The following KIF15 variants were observed in gnomAD, a reference collection of about 807,000 sequenced individuals.
KIF15 encodes kinesin family member 15, also known as kinesin-like protein KIF15.
In KIF15, 140 loss-of-function variants were observed where a neutral mutation model predicts 190.6. The ratio of observed to expected loss-of-function variants is 0.73; its 90% confidence interval spans 0.64 to 0.84. The LOEUF (loss-of-function observed/expected upper bound fraction) is 0.84, where lower values mean the gene tolerates loss of function less well. Among genes scored for constraint, KIF15 ranks in the 40% least tolerant of loss-of-function variants. The pLI, the probability that KIF15 is intolerant of heterozygous loss-of-function variation, is 0.00. For missense variants in KIF15, 1,372 were observed against 1,584.4 expected, an observed-to-expected ratio of 0.87 and a Z score of 2.28; for synonymous variants, 528 against 551.3, an observed-to-expected ratio of 0.96 and a Z score of 0.59.
chr3:44,790,309 C>T (rs1285802524), intron 7 of KIF15, among the ~76,000 whole-genome samples: 1 of 152,062 alleles, frequency 6.6e-6, no homozygotes, highest in Non-Finnish European at 1.5e-5. Flanking sequence ...TCCTGAGCAG[C>T]TAGGACTACA....
At chr3:44,858,361 G>A (rs371946566) in intron 6 of KIF15, among the ~76,000 whole-genome samples, 11 of 152,344 alleles carry the variant, frequency 7.2e-5, no homozygotes, top group Admixed American at 3.3e-4. Flanking sequence ...AGAAGCCCAT[G>A]CTGTAGCAGG....
At chr3:44,828,389 C>A in intron 24 of KIF15, 89 bp downstream of exon 24, 2 of 829,016 alleles carry the variant, frequency 2.4e-6, no homozygotes, top group Admixed American at 2.0e-5. Context: ...CTTGCACCTC[C>A]AGGGTGACCA....
At position 44,805,103 on chromosome 3, in the gene KIF15, C is replaced by T; in HGVS notation, c.1764C>T (p.Leu588=). 6.2e-7 allele frequency: 1 copy of T among 1,613,808 alleles called. No homozygotes were observed. Among genetic ancestry groups the T allele is most frequent in the African/African-American group, 1.3e-5 (1 of 75,012 alleles). Residue 588 remains leucine, a synonymous_variant, in exon 15 of 35, where the codon CTC becomes CTT. Transcript: ENST00000326047. ...FANTEKLKAQ[L]LQIQTELNNS... ...ACACTGAGAAGTTAAAAGCACAACT[C>T]CTGCAAATTCAGACAGAGCTGAATA...
chr3:44,840,655 A>ATTTTTTTTTTTTT (rs60621752), intron 28 of KIF15, among the ~76,000 whole-genome samples, 199 bp downstream of exon 28: 1 of 67,024 alleles, frequency 1.5e-5, no homozygotes, highest in African/African-American at 5.3e-5. Flanking sequence ...TAAGCAGCGG[A>ATTTTTTTTTTTTT]TTTTTTTTTT....
At chr3:44,839,615 A>C (rs971191168) in intron 27 of KIF15, among the ~76,000 whole-genome samples, 4 of 152,144 alleles carry the variant, frequency 2.6e-5, no homozygotes, top group African/African-American at 9.7e-5. Context: ...TAGATCTCCA[A>C]AAGGTATTCC....
At chr3:44,821,252 A>G (rs867239090) in intron 20 of KIF15, among the ~76,000 whole-genome samples, 1,977 of 86,966 alleles carry the variant, frequency 0.023, 52 homozygotes, top group African/African-American at 0.078. Flanking sequence ...GGCCGGGCGG[A>G]GGGCTGACCC....
At chr3:44,768,370 A>C (rs780003936) in intron 1 of KIF15, among the ~76,000 whole-genome samples, 2 of 152,192 alleles carry the variant, frequency 1.3e-5, no homozygotes, top group Non-Finnish European at 2.9e-5. Context: ...ATGACCAGGA[A>C]AAATCAGGCA....
intron 1 of KIF15, among the ~76,000 whole-genome samples, chr3:44,770,588 T>A (rs1705599987): frequency 6.6e-6 from 1 of 152,214 alleles, no homozygotes; most frequent in Non-Finnish European, 1.5e-5. Context: ...CAAGTCAAGC[T>A]TGACTCCTTA....
chr3:44,866,080 G>GTT lies in KIF15; in HGVS notation c.*60-7238_*60-7237dup, dbSNP rs59934232. Among the ~76,000 whole-genome samples the GTT allele has an allele frequency of 1.2e-3, 172 of 140,856 alleles. 2 individuals are homozygous for GTT. Among genetic ancestry groups the GTT allele is most frequent in the East Asian group, 7.8e-3 (38 of 4,874 alleles). 92.4% of individuals were successfully genotyped at this position (140,856 alleles called of 152,430 possible). ...GTTTTTTGTTTTTTTGTTTTTTTGG[G>GTT]TTTTTTTTTTTTGAGACAGTCTCGC... is the stretch of plus-strand genomic sequence containing the variant. On this transcript the variant is annotated intron_variant and NMD_transcript_variant, in intron 6 of 6. Coordinates refer to the KIF15 transcript ENST00000422209.
chr3:44,822,507 T>C (rs1424148164), intron 20 of KIF15, among the ~76,000 whole-genome samples: 1 of 152,200 alleles, frequency 6.6e-6, no homozygotes, highest in Non-Finnish European at 1.5e-5. Flanking sequence ...TCGAGGAGTA[T>C]ATTTGTGGTA....
At chr3:44,824,460 G>T (rs2125685209) in intron 20 of KIF15, among the ~76,000 whole-genome samples, 1 of 152,136 alleles carries the variant, frequency 6.6e-6, no homozygotes, top group South Asian at 2.1e-4. Context: ...AAGTGCAGTG[G>T]TATAACCCAA....
chr3:44,792,705 C>T (rs1482231352), intron 7 of KIF15, among the ~76,000 whole-genome samples: 1 of 151,974 alleles, frequency 6.6e-6, no homozygotes, highest in Non-Finnish European at 1.5e-5. Context: ...TGCCACCACA[C>T]CCGGCTAATT....
At chr3:44,860,108 C>T (rs1365468324) in intron 6 of KIF15, among the ~76,000 whole-genome samples, 1 of 152,160 alleles carries the variant, frequency 6.6e-6, no homozygotes, top group Non-Finnish European at 1.5e-5. Context: ...GTAGCAGAGA[C>T]GGCTTTACAG....
At chr3:44,809,220 A>C (rs998086591) in intron 16 of KIF15, among the ~76,000 whole-genome samples, 5 of 152,230 alleles carry the variant, frequency 3.3e-5, no homozygotes, top group Admixed American at 2.6e-4. Flanking sequence ...CTCTAATTTC[A>C]AATATCTTTT....
At chr3:44,805,237 C>T (rs984196888) in intron 15 of KIF15, 69 bp downstream of exon 15, 14 of 1,424,262 alleles carry the variant, frequency 9.8e-6, no homozygotes, top group African/African-American at 5.8e-5. Context: ...GTGTTAATAT[C>T]GATAATTCAA....
At chr3:44,852,014 G>A in intron 33 of KIF15, 62 bp downstream of exon 33, 2 of 1,537,188 alleles carry the variant, frequency 1.3e-6, no homozygotes, top group East Asian at 4.5e-5. Flanking sequence ...GAACTAATTA[G>A]CGTAAAACTC....
rs536575704 is a variant in KIF15 at position 44,762,187 on chromosome 3, A to G, written c.19+303A>G. On this transcript the variant is annotated intron_variant, in intron 1 of 34. Transcript: ENST00000326047. ...TCCCTTGGTTCTGCTGTTTCTTCGC[A>G]GGCCTCTTCCCACATCCCGACCAGG... Among the ~76,000 whole-genome samples the G allele has an allele frequency of 3.3e-5, 5 of 152,280 alleles. No homozygotes were observed. In the East Asian group the frequency reaches 9.7e-4, roughly 29 times the overall value.
intron 5 of KIF15, among the ~76,000 whole-genome samples, chr3:44,783,479 G>A (rs1706262577): frequency 6.6e-6 from 1 of 152,160 alleles, no homozygotes; most frequent in Non-Finnish European, 1.5e-5. Context: ...CCTTTCATGA[G>A]GGGTTGTGCC....
At chr3:44,854,249 G>GTGGCGCA (rs1056419960), downstream of KIF15, among the ~76,000 whole-genome samples, 2 of 152,078 alleles carry the variant, frequency 1.3e-5, no homozygotes, top group African/African-American at 4.8e-5. Context: ...GCTGGGTGTG[G>GTGGCGCA]TGGCGCATGC....
Sources: gnomAD v4.1 joint callset for allele counts (sites outside exome capture counted in the v4.1 genomes callset) on GRCh38, gnomAD v4.1.1 for gene constraint, MANE v1.5 for transcripts, NCBI Gene and HGNC (gene_info 2026-07-23, HGNC 2026-07-21) for gene names.